Variants in TSC22D1 observed in about 807,000 individuals in gnomAD.
The protein encoded by TSC22D1 is TSC22 domain family protein 1.
TSC22D1 carries 9 observed loss-of-function variants against 74.2 expected under a neutral mutation model. That is an observed-to-expected ratio of 0.12 (90% CI 0.07 to 0.21). TSC22D1 has a LOEUF of 0.21. TSC22D1 is among the 10% of genes least tolerant of loss of function. The pLI is 1.00. For missense variants in TSC22D1, 1,427 were observed against 1,304.7 expected (o/e 1.09, Z -1.44); for synonymous variants, 586 against 492.5 (o/e 1.19, Z -2.51).
chr13:44,553,624 T>A (rs1321915394), intron 1 of TSC22D1, among the ~76,000 whole-genome samples: 1 of 152,176 alleles, frequency 6.6e-6, no homozygotes, highest in Admixed American at 6.5e-5. Flanking sequence ...GGGGTAATGG[T>A]TCTATTTTAG....
chr13:44,548,775 T>C (rs547316176), intron 1 of TSC22D1, among the ~76,000 whole-genome samples: 2 of 152,322 alleles, frequency 1.3e-5, no homozygotes, highest in South Asian at 4.1e-4. Context: ...CTTTTAAGTA[T>C]CTTCAAAAAC....
chr13:44,446,009 C>T (rs1034828497), intron 1 of TSC22D1, among the ~76,000 whole-genome samples: 3 of 152,058 alleles, frequency 2.0e-5, no homozygotes, highest in African/African-American at 7.2e-5. Context: ...CCATAAAAAC[C>T]AGTAATCCCA....
intron 1 of TSC22D1, among the ~76,000 whole-genome samples, chr13:44,528,228 C>A (rs569284795): frequency 6.6e-6 from 1 of 152,164 alleles, no homozygotes; most frequent in African/African-American, 2.4e-5. Context: ...CTTCATCCAA[C>A]AACAAACAGA....
rs1213349531 is a variant in TSC22D1 at position 44,512,568 on chromosome 13, C to T, written c.2912+60595G>A. Reference sequence around the variant, plus strand: ...TATTACTGTGAAACAGAACCACTTCCCACCTGGAAAATCAGATTATCTTCA... The same window carrying T: ...TATTACTGTGAAACAGAACCACTTCTCACCTGGAAAATCAGATTATCTTCA... On this transcript the variant is annotated intron_variant, in intron 1 of 2. Transcript: ENST00000458659. 1.3e-5 allele frequency among the ~76,000 whole-genome samples: 2 copies of T among 152,218 alleles called. 1 individual carries two copies. Among genetic ancestry groups the T allele is most frequent in the Admixed American group, 1.3e-4 (2 of 15,288 alleles).
chr13:44,574,040 C>T lies in TSC22D1; in HGVS notation c.2035G>A (p.Ala679Thr). ...GCCACAGGAATCACTGTTGTTCCTG[C>T]TCCTACTCCTGCAGAACTGGGCTGT... ...SGQPSSAGVGAGTTVIPVAQP... is the reference protein window; with the variant it reads ...SGQPSSAGVGTGTTVIPVAQP... Residue 679 changes from alanine to threonine, a missense_variant, in exon 1 of 3, where the codon GCA (alanine) becomes ACA (threonine). Coordinates refer to ENST00000458659, the MANE Select transcript of TSC22D1 (RefSeq NM_183422.4). 3 of 1,614,152 alleles carry T rather than the reference C, an allele frequency of 1.9e-6. No homozygotes were observed. The highest frequency in any genetic ancestry group is 2.5e-6 in the Non-Finnish European group (3 of 1,180,046).
chr13:44,507,215 C>G (rs1879486342), intron 1 of TSC22D1, among the ~76,000 whole-genome samples: 1 of 152,090 alleles, frequency 6.6e-6, no homozygotes, highest in Admixed American at 6.5e-5. Flanking sequence ...AGGAGATAAC[C>G]TTTTATACCT....
At chr13:44,445,821 T>C (rs1380655908) in intron 1 of TSC22D1, among the ~76,000 whole-genome samples, 2 of 152,262 alleles carry the variant, frequency 1.3e-5, no homozygotes, top group Non-Finnish European at 2.9e-5. Context: ...ACCATAATGA[T>C]ATACCACTAC....
chr13:44,473,803 C>T (rs1877743484), intron 1 of TSC22D1, among the ~76,000 whole-genome samples: 1 of 152,150 alleles, frequency 6.6e-6, no homozygotes, highest in South Asian at 2.1e-4. Flanking sequence ...TAATTATAGA[C>T]TAATTAAGCT....
intron 1 of TSC22D1, among the ~76,000 whole-genome samples, chr13:44,522,762 G>A (rs1010014422): frequency 9.9e-5 from 15 of 152,026 alleles, no homozygotes; most frequent in African/African-American, 3.4e-4. Context: ...AATCTTGTTT[G>A]GCAATATATT....
intron 1 of TSC22D1, among the ~76,000 whole-genome samples, chr13:44,534,049 A>G (rs1156674513): frequency 6.6e-6 from 1 of 152,028 alleles, no homozygotes. Context: ...TGGGCGACAT[A>G]AACTCCATCT....
chr13:44,518,829 T>G (rs912102265), intron 1 of TSC22D1, among the ~76,000 whole-genome samples: 2 of 152,204 alleles, frequency 1.3e-5, no homozygotes, highest in Admixed American at 6.5e-5. Context: ...TTTTTAAAAT[T>G]CAGGCTATCA....
At chr13:44,555,197 T>C (rs1253041745) in intron 1 of TSC22D1, among the ~76,000 whole-genome samples, 1 of 151,858 alleles carries the variant, frequency 6.6e-6, no homozygotes, top group East Asian at 1.9e-4. Flanking sequence ...ATATTATCTC[T>C]TAAGAAGATT....
At chr13:44,559,762 C>T (rs887211767) in intron 1 of TSC22D1, among the ~76,000 whole-genome samples, 1 of 151,368 alleles carries the variant, frequency 6.6e-6, no homozygotes, top group Admixed American at 6.6e-5. Flanking sequence ...GTGATCTCAG[C>T]TCACTGCAAC....
At chr13:44,571,845 T>C (rs973315313) in intron 1 of TSC22D1, among the ~76,000 whole-genome samples, 5 of 152,134 alleles carry the variant, frequency 3.3e-5, no homozygotes, top group Admixed American at 2.6e-4. Context: ...AATAAAAATC[T>C]TGAAAGATAA....
chr13:44,545,421 T>C (rs1881758116), intron 1 of TSC22D1, among the ~76,000 whole-genome samples: 1 of 152,148 alleles, frequency 6.6e-6, no homozygotes, highest in South Asian at 2.1e-4. Flanking sequence ...AAAACCTTAG[T>C]AATTTTAAGA....
chr13:44,531,135 G>T (rs1033296295), intron 1 of TSC22D1, among the ~76,000 whole-genome samples: 4 of 152,028 alleles, frequency 2.6e-5, no homozygotes, highest in Admixed American at 2.6e-4. Flanking sequence ...ATTAATAATT[G>T]ATCAATACTG....
chr13:44,553,832 C>G (rs1194532018), intron 1 of TSC22D1, among the ~76,000 whole-genome samples: 1 of 152,186 alleles, frequency 6.6e-6, no homozygotes, highest in East Asian at 1.9e-4. Flanking sequence ...GATCGCTCCA[C>G]TGTATGTAAT....
At chr13:44,494,250 C>T (rs1259025226) in intron 1 of TSC22D1, among the ~76,000 whole-genome samples, 2 of 151,594 alleles carry the variant, frequency 1.3e-5, no homozygotes, top group Admixed American at 1.3e-4. Context: ...GTGGTGTGCA[C>T]GTGTAATCCC....
chr13:44,526,355 G>A (rs1381438517), intron 1 of TSC22D1, among the ~76,000 whole-genome samples: 1 of 151,422 alleles, frequency 6.6e-6, no homozygotes, highest in Non-Finnish European at 1.5e-5. Context: ...AAAAGGAAAT[G>A]CCAGAAATAA....
Sources: gnomAD v4.1 joint callset for allele counts (sites outside exome capture counted in the v4.1 genomes callset) on GRCh38, gnomAD v4.1.1 for gene constraint, MANE v1.5 for transcripts, NCBI Gene and HGNC (gene_info 2026-07-23, HGNC 2026-07-21) for gene names.